Variants in SAMTOR observed in about 807,000 individuals in gnomAD.
The protein encoded by SAMTOR is UPF0532 protein C7orf60.
the SAMTOR span, among the ~76,000 whole-genome samples, chr7:112,928,553 G>T: frequency 6.6e-6 from 1 of 151,954 alleles, no homozygotes; most frequent in African/African-American, 2.4e-5. Flanking sequence ...TAATTAGGGT[G>T]CTCAGTCAGT....
chr7:112,861,695 A>C, the SAMTOR span, among the ~76,000 whole-genome samples: 2 of 152,126 alleles, frequency 1.3e-5, no homozygotes, highest in South Asian at 4.1e-4. Flanking sequence ...TCTCCTCTTC[A>C]TTAAATATAA....
the SAMTOR span, among the ~76,000 whole-genome samples, chr7:112,909,546 T>C: frequency 6.6e-6 from 1 of 152,172 alleles, no homozygotes; most frequent in Non-Finnish European, 1.5e-5. Flanking sequence ...CAAGCAACTT[T>C]TAAGCATATA....
the SAMTOR span, chr7:112,939,348 G>T: frequency 6.9e-6 from 4 of 583,690 alleles, no homozygotes; most frequent in Non-Finnish European, 1.2e-5. Context: ...TGGAGGGGGT[G>T]GGGACTCAAT....
chr7:112,884,456 T>C, the SAMTOR span, among the ~76,000 whole-genome samples: 2 of 152,052 alleles, frequency 1.3e-5, no homozygotes, highest in African/African-American at 2.4e-5. Context: ...CTAGATACAA[T>C]GGGGGTACAG....
chr7:112,835,075 T>A, the SAMTOR span, among the ~76,000 whole-genome samples: 1 of 152,110 alleles, frequency 6.6e-6, no homozygotes, highest in African/African-American at 2.4e-5. Context: ...TATAAAAACA[T>A]AGTATGTATA....
At chr7:112,877,583 C>G in the SAMTOR span, among the ~76,000 whole-genome samples, 153 of 152,176 alleles carry the variant, frequency 1.0e-3, no homozygotes, top group African/African-American at 3.6e-3. Context: ...AAAAATTTAT[C>G]AATAAGAATG....
At chr7:112,848,936 C>G in the SAMTOR span, among the ~76,000 whole-genome samples, 1 of 152,084 alleles carries the variant, frequency 6.6e-6, no homozygotes, top group South Asian at 2.1e-4. Flanking sequence ...GTAATCCCCG[C>G]TACTCGGGAT....
At chr7:112,915,705 A>G in the SAMTOR span, among the ~76,000 whole-genome samples, 2 of 152,256 alleles carry the variant, frequency 1.3e-5, no homozygotes, top group African/African-American at 4.8e-5. Flanking sequence ...TTTAATAAAT[A>G]AATGAATGAT....
the SAMTOR span, among the ~76,000 whole-genome samples, chr7:112,916,946 C>T: frequency 9.8e-5 from 15 of 152,314 alleles, no homozygotes; most frequent in East Asian, 2.3e-3. Flanking sequence ...CAGGGAAGCT[C>T]GAACTGGGTG....
At chr7:112,898,685 G>C in the SAMTOR span, among the ~76,000 whole-genome samples, 1 of 152,202 alleles carries the variant, frequency 6.6e-6, no homozygotes, top group Non-Finnish European at 1.5e-5. Flanking sequence ...GAGGCCAGCT[G>C]TGGTGGCCAC....
At chr7:112,918,547 C>G in the SAMTOR span, among the ~76,000 whole-genome samples, 15 of 152,140 alleles carry the variant, frequency 9.9e-5, no homozygotes, top group Admixed American at 4.6e-4. Flanking sequence ...AACTAACGAG[C>G]AAAATAACCA....
the SAMTOR span, among the ~76,000 whole-genome samples, chr7:112,835,403 C>T: frequency 6.6e-6 from 1 of 152,086 alleles, no homozygotes; most frequent in Non-Finnish European, 1.5e-5. Context: ...AATCTTACAT[C>T]AGAAGGAACA....
At chr7:112,900,137 A>C in the SAMTOR span, among the ~76,000 whole-genome samples, 1 of 152,112 alleles carries the variant, frequency 6.6e-6, no homozygotes, top group Non-Finnish European at 1.5e-5. Context: ...TATATATATA[A>C]ACAGATATCT....
At chr7:112,922,548 G>A in the SAMTOR span, among the ~76,000 whole-genome samples, 6 of 151,870 alleles carry the variant, frequency 4.0e-5, no homozygotes, top group Non-Finnish European at 5.9e-5. Context: ...TCTAGGAAGT[G>A]AGGAGTGTCT....
the SAMTOR span, among the ~76,000 whole-genome samples, chr7:112,889,423 CCA>C: frequency 6.6e-6 from 1 of 152,050 alleles, no homozygotes; most frequent in South Asian, 2.1e-4. Flanking sequence ...CAAGCATGTA[CCA>C]CACTAGAGGA....
the SAMTOR span, among the ~76,000 whole-genome samples, chr7:112,833,267 A>T: frequency 1.3e-5 from 2 of 152,200 alleles, no homozygotes; most frequent in African/African-American, 4.8e-5. Context: ...AATCTGTAAC[A>T]ATACGTAATA....
At chr7:112,932,007 C>T in the SAMTOR span, among the ~76,000 whole-genome samples, 2 of 151,412 alleles carry the variant, frequency 1.3e-5, no homozygotes, top group Non-Finnish European at 2.9e-5. Context: ...CTCACTGCAA[C>T]CTCCGCCATC....
chr7:112,886,907 C>A, the SAMTOR span, among the ~76,000 whole-genome samples: 1 of 152,188 alleles, frequency 6.6e-6, no homozygotes, highest in African/African-American at 2.4e-5. Flanking sequence ...CGGCTCACTC[C>A]TGTAATCCCA....
chr7:112,902,415 TCAAAAAAAAAAAACAAAAAAAAA>T, the SAMTOR span, among the ~76,000 whole-genome samples: 1 of 11,358 alleles, frequency 8.8e-5, no homozygotes, highest in Non-Finnish European at 1.6e-4. Context: ...AAACTCCGTC[TCAAAAAAAAAAAACAAAAAAAAA>T]CAAAAAAAAA....
Sources: gnomAD v4.1 joint callset for allele counts (sites outside exome capture counted in the v4.1 genomes callset) on GRCh38, gnomAD v4.1.1 for gene constraint, MANE v1.5 for transcripts, NCBI Gene and HGNC (gene_info 2026-07-23, HGNC 2026-07-21) for gene names.